GRXCR1: variants seen among roughly 807,000 people sequenced by gnomAD.
GRXCR1 encodes glutaredoxin and cysteine rich domain containing 1.
Under a neutral mutation model 27.3 loss-of-function variants are expected in GRXCR1, and 27 were observed. The observed-to-expected ratio is 0.99, with a 90% confidence interval of 0.73 to 1.37. The LOEUF is 1.37. GRXCR1 is among the 40% of genes most tolerant of loss of function. The pLI, the probability that GRXCR1 is intolerant of heterozygous loss-of-function variation, is 0.00. For synonymous variants in GRXCR1, 122 were observed against 131.1 expected, an observed-to-expected ratio of 0.93 and a Z score of 0.47; for missense variants, 379 against 354.4, an observed-to-expected ratio of 1.07 and a Z score of -0.56.
chr4:42,918,161 T>C (rs991002556), intron 1 of GRXCR1, among the ~76,000 whole-genome samples: 19 of 152,092 alleles, frequency 1.2e-4, no homozygotes, highest in African/African-American at 4.6e-4. Context: ...TAGTGTCTGG[T>C]ATCTGCTTCC....
intron 1 of GRXCR1, among the ~76,000 whole-genome samples, chr4:42,920,161 A>T (rs1311367460): frequency 2.0e-5 from 3 of 152,156 alleles, no homozygotes; most frequent in Non-Finnish European, 4.4e-5. Flanking sequence ...GACAAATGAC[A>T]AATGACTTCT....
At chr4:42,947,151 G>T (rs1202601227) in intron 1 of GRXCR1, among the ~76,000 whole-genome samples, 1 of 152,090 alleles carries the variant, frequency 6.6e-6, no homozygotes, top group Non-Finnish European at 1.5e-5. Flanking sequence ...ATGTACATTT[G>T]GGGGCTTCAA....
chr4:42,971,720 T>A (rs1176548129), intron 2 of GRXCR1, among the ~76,000 whole-genome samples: 1 of 151,938 alleles, frequency 6.6e-6, no homozygotes, highest in Non-Finnish European at 1.5e-5. Flanking sequence ...CAATTTGAGA[T>A]GAGACAAATA....
intron 2 of GRXCR1, among the ~76,000 whole-genome samples, chr4:42,969,209 T>C (rs1476139693): frequency 6.6e-6 from 1 of 152,212 alleles, no homozygotes; most frequent in Admixed American, 6.5e-5. Context: ...GAAAGTGTTC[T>C]GTTTTAAACC....
intron 1 of GRXCR1, among the ~76,000 whole-genome samples, chr4:42,909,168 A>T (rs776597340): frequency 6.6e-5 from 10 of 152,202 alleles, no homozygotes; most frequent in Non-Finnish European, 1.2e-4. Context: ...GGCAACCCTC[A>T]TTCCTTAAGT....
intron 2 of GRXCR1, among the ~76,000 whole-genome samples, chr4:43,015,860 G>A (rs1712915609): frequency 6.6e-6 from 1 of 151,808 alleles, no homozygotes; most frequent in Non-Finnish European, 1.5e-5. Flanking sequence ...TTTGGTTAAT[G>A]TGAACTTTAT....
At chr4:42,968,375 A>G (rs996824306) in intron 2 of GRXCR1, among the ~76,000 whole-genome samples, 1 of 152,174 alleles carries the variant, frequency 6.6e-6, no homozygotes. Flanking sequence ...TTCTGGCAAA[A>G]TAACAAAGTA....
intron 3 of GRXCR1, among the ~76,000 whole-genome samples, chr4:43,029,949 C>T (rs997396588): frequency 1.3e-5 from 2 of 151,266 alleles, no homozygotes; most frequent in Non-Finnish European, 2.9e-5. Context: ...TCCAGACTTG[C>T]TATTAATATG....
intron 2 of GRXCR1, among the ~76,000 whole-genome samples, chr4:42,990,805 G>A (rs963895554): frequency 5.9e-5 from 9 of 151,880 alleles, no homozygotes; most frequent in African/African-American, 1.9e-4. Context: ...TGGCTCTTTG[G>A]AAAGAATATG....
rs747617870 is a variant in GRXCR1 at position 43,021,152 on chromosome 4, C to T, written c.693+733C>T. Among the ~76,000 whole-genome samples, 56 of 152,252 alleles carry T rather than the reference C, an allele frequency of 3.7e-4. 1 individual carries two copies. The highest frequency in any genetic ancestry group is 1.8e-4 in the Non-Finnish European group (12 of 68,002). On this transcript the variant is annotated intron_variant, in intron 3 of 3. Transcript: ENST00000399770. Reference sequence around the variant, plus strand: ...TTATTATTGCTCTAGTCTTTGCTAACCTAATTTCTGATTCTCTACCATTCC... The same window carrying T: ...TTATTATTGCTCTAGTCTTTGCTAATCTAATTTCTGATTCTCTACCATTCC...
At chr4:43,025,195 G>A (rs879098768) in intron 3 of GRXCR1, among the ~76,000 whole-genome samples, 2 of 152,026 alleles carry the variant, frequency 1.3e-5, no homozygotes, top group African/African-American at 2.4e-5. Flanking sequence ...TATCTTTGTC[G>A]TTTGTCGTTT....
At chr4:42,959,393 C>G (rs1001589531) in intron 1 of GRXCR1, among the ~76,000 whole-genome samples, 1 of 151,188 alleles carries the variant, frequency 6.6e-6, no homozygotes, top group Non-Finnish European at 1.5e-5. Flanking sequence ...ATCTCAAATA[C>G]ATAGGAACAG....
chr4:42,935,828 A>G (rs999595720), intron 1 of GRXCR1, among the ~76,000 whole-genome samples: 1 of 151,938 alleles, frequency 6.6e-6, no homozygotes, highest in Non-Finnish European at 1.5e-5. Context: ...TCAGATGTTA[A>G]CATATGCCTT....
In GRXCR1 at chr4:42,982,517, C is replaced by T. The variant is rs376765390; in HGVS notation, c.627+19383C>T. On this transcript the variant is annotated intron_variant, in intron 2 of 3. Transcript: ENST00000399770. ...TGTGAATAATGCTGCAATAAACATA[C>T]GTGTGCATGTGTCTTTATAGCAGCA... 2.4e-4 allele frequency among the ~76,000 whole-genome samples: 28 copies of T among 118,480 alleles called. No individual in the cohort carries two copies. In the East Asian group the frequency reaches 2.6e-3, roughly 11 times the overall value. The allele number at this position is 118,480 out of a possible 152,430, so 77.7% of individuals were successfully genotyped here.
At chr4:42,947,993 G>C (rs1747787249) in intron 1 of GRXCR1, among the ~76,000 whole-genome samples, 1 of 152,136 alleles carries the variant, frequency 6.6e-6, no homozygotes, top group Admixed American at 6.5e-5. Flanking sequence ...CCTAATTTGG[G>C]GAAATTGCAG....
intron 1 of GRXCR1, among the ~76,000 whole-genome samples, chr4:42,950,679 T>C (rs1272856598): frequency 6.6e-6 from 1 of 152,302 alleles, no homozygotes; most frequent in East Asian, 1.9e-4. Context: ...TAACAATGTG[T>C]CTTCATGTGG....
At chr4:42,971,484 C>T (rs1176300878) in intron 2 of GRXCR1, among the ~76,000 whole-genome samples, 1 of 152,052 alleles carries the variant, frequency 6.6e-6, no homozygotes, top group Non-Finnish European at 1.5e-5. Context: ...GGTTGGAAGA[C>T]CTTAGGAAAC....
chr4:42,924,670 C>T (rs1332627715), intron 1 of GRXCR1, among the ~76,000 whole-genome samples: 1 of 152,008 alleles, frequency 6.6e-6, no homozygotes, highest in African/African-American at 2.4e-5. Context: ...CAGAAACTAT[C>T]CAATGTTCCT....
chr4:42,960,160 T>A (rs1748099592), intron 1 of GRXCR1, among the ~76,000 whole-genome samples: 1 of 152,000 alleles, frequency 6.6e-6, no homozygotes, highest in Non-Finnish European at 1.5e-5. Flanking sequence ...TGGCAGCAAG[T>A]TGGTCCAATC....
Sources: gnomAD v4.1 joint callset for allele counts (sites outside exome capture counted in the v4.1 genomes callset) on GRCh38, gnomAD v4.1.1 for gene constraint, MANE v1.5 for transcripts, NCBI Gene and HGNC (gene_info 2026-07-23, HGNC 2026-07-21) for gene names.